Variants in RFC3 observed in about 807,000 individuals in gnomAD.
RFC3 encodes the protein A1 38 kDa subunit.
A neutral mutation model predicts 45.1 loss-of-function variants in RFC3; 41 were observed. That is an observed-to-expected ratio of 0.91 (90% CI 0.71 to 1.18). RFC3 has a LOEUF of 1.18. Among genes scored for constraint, RFC3 ranks in the 50% most tolerant of loss-of-function variants. The pLI, the probability that RFC3 is intolerant of heterozygous loss-of-function variation, is 0.00. For missense variants in RFC3, 423 were observed against 428.1 expected (o/e 0.99, Z 0.10); for synonymous variants, 149 against 144.0 (o/e 1.03, Z -0.25).
intron 8 of RFC3, among the ~76,000 whole-genome samples, chr13:33,857,379 C>T (rs1488790413): frequency 6.6e-6 from 1 of 152,132 alleles, no homozygotes; most frequent in Non-Finnish European, 1.5e-5. Flanking sequence ...TTCTGACTCA[C>T]TGCAGATTCT....
rs1466712742 is a variant in RFC3 at position 33,914,422 on chromosome 13, AAAAAGT to A, written c.880-51664_880-51659del. 3.2e-4 allele frequency among the ~76,000 whole-genome samples: 49 copies of A among 152,226 alleles called. 1 individual carries two copies. Among genetic ancestry groups the A allele is most frequent in the Admixed American group, 2.6e-4 (4 of 15,278 alleles). On this transcript the variant is annotated intron_variant, in intron 8 of 8. Coordinates refer to the RFC3 transcript ENST00000434425. ...TACCTTCTTCCTCCACTTTGCTCCT[AAAAAGT>A]CCAAACTACCAGAAAAATGTAGAAG... is the stretch of plus-strand genomic sequence containing the variant.
chr13:33,915,749 G>T (rs756436570), intron 8 of RFC3, among the ~76,000 whole-genome samples: 1 of 151,778 alleles, frequency 6.6e-6, no homozygotes, highest in East Asian at 1.9e-4. Flanking sequence ...AAAATTATTC[G>T]TAATGATTCA....
Position 33,937,000 on chromosome 13 carries a change from C to A in RFC3, c.880-29087C>A, listed in dbSNP as rs1004479685. Among the ~76,000 whole-genome samples, 106 of 152,248 alleles carry A rather than the reference C, an allele frequency of 7.0e-4. 1 individual carries two copies. Among genetic ancestry groups the A allele is most frequent in the African/African-American group, 2.4e-3 (100 of 41,554 alleles). On this transcript the variant is annotated intron_variant, in intron 8 of 8. Transcript: ENST00000434425. The stretch of plus-strand genomic sequence containing the variant: ...CAAAAAATCAAGAGCAGCAGCAAAA[C>A]TATGTGATGACTATGTTAATTATCT...
intron 8 of RFC3, 133 bp downstream of exon 8, chr13:33,835,350 A>G (rs952538146): frequency 1.6e-5 from 12 of 750,260 alleles, no homozygotes; most frequent in Admixed American, 3.6e-5. Context: ...TATTTACTGA[A>G]CCTCTATGGT....
intron 8 of RFC3, among the ~76,000 whole-genome samples, chr13:33,907,881 C>G (rs2082680606): frequency 6.6e-6 from 1 of 151,864 alleles, no homozygotes; most frequent in Non-Finnish European, 1.5e-5. Flanking sequence ...AAAGTCAAGG[C>G]CTTTTACAAA....
downstream of RFC3, among the ~76,000 whole-genome samples, chr13:33,970,983 T>G (rs981829562): frequency 2.6e-5 from 4 of 152,210 alleles, no homozygotes; most frequent in African/African-American, 7.2e-5. Context: ...GAGCCAAGCC[T>G]TGACATCTCT....
At chr13:33,857,382 C>T (rs1333567651) in intron 8 of RFC3, among the ~76,000 whole-genome samples, 9 of 152,104 alleles carry the variant, frequency 5.9e-5, no homozygotes, top group Admixed American at 1.3e-4. Context: ...TGACTCACTG[C>T]AGATTCTTCT....
intron 8 of RFC3, among the ~76,000 whole-genome samples, chr13:33,960,378 AAG>A (rs1439642665): frequency 6.6e-6 from 1 of 152,188 alleles, no homozygotes; most frequent in Non-Finnish European, 1.5e-5. Flanking sequence ...AGGATAAACG[AAG>A]AGTCTTGCCC....
chr13:33,972,206 C>T, the RFC3 span, among the ~76,000 whole-genome samples: 1 of 152,010 alleles, frequency 6.6e-6, no homozygotes, highest in African/African-American at 2.4e-5. Context: ...TGTTTTTGAA[C>T]TTTTTTTTCA....
At chr13:33,922,268 T>G (rs2082774308) in intron 8 of RFC3, among the ~76,000 whole-genome samples, 1 of 152,070 alleles carries the variant, frequency 6.6e-6, no homozygotes, top group Middle Eastern at 3.2e-3. Context: ...TCAATGAATT[T>G]TAGTATATTT....
chr13:33,924,168 A>T (rs1270933703), intron 8 of RFC3, among the ~76,000 whole-genome samples: 1 of 152,130 alleles, frequency 6.6e-6, no homozygotes, highest in Non-Finnish European at 1.5e-5. Flanking sequence ...TGAAAACCAG[A>T]TAATTGACTT....
chr13:33,908,159 A>G (rs909439696), intron 8 of RFC3, among the ~76,000 whole-genome samples: 3 of 151,902 alleles, frequency 2.0e-5, no homozygotes, highest in African/African-American at 4.8e-5. Flanking sequence ...TTTGCACTGC[A>G]TTTATCTGAA....
chr13:33,832,717 A>C (rs2082115936), intron 7 of RFC3, among the ~76,000 whole-genome samples: 2 of 152,184 alleles, frequency 1.3e-5, no homozygotes, highest in South Asian at 4.1e-4. Context: ...CTCACCCTTT[A>C]AAGAGATAAA....
intron 8 of RFC3, among the ~76,000 whole-genome samples, chr13:33,941,906 A>G (rs1247839291): frequency 6.6e-6 from 1 of 152,180 alleles, no homozygotes; most frequent in Non-Finnish European, 1.5e-5. Context: ...TCTCCCATAC[A>G]TAACTTATGT....
intron 8 of RFC3, among the ~76,000 whole-genome samples, chr13:33,909,419 G>T (rs2082691044): frequency 1.3e-5 from 2 of 151,968 alleles, no homozygotes; most frequent in African/African-American, 4.8e-5. Context: ...GGGGAGGCTT[G>T]TTTTCTCCTT....
intron 8 of RFC3, among the ~76,000 whole-genome samples, chr13:33,939,170 G>A (rs74046990): frequency 1.3e-5 from 2 of 152,030 alleles, no homozygotes; most frequent in South Asian, 4.1e-4. Context: ...TTTGTGGCTT[G>A]TTTTTTCACT....
intron 8 of RFC3, among the ~76,000 whole-genome samples, chr13:33,904,929 G>C (rs1414948585): frequency 1.3e-5 from 2 of 151,930 alleles, no homozygotes; most frequent in East Asian, 3.9e-4. Flanking sequence ...ATGTTGTTTG[G>C]GATACGCATT....
chr13:33,825,807 C>T lies in RFC3; in HGVS notation c.312C>T (p.Asp104=), dbSNP rs1346498089. ...EVNPSDAGNS[D]RVVIQEMLKT... is the part of the protein sequence containing the mutation. ...TGTGTAGTGATGCTGGAAATAGTGA[C>T]CGAGTAGTCATTCAGGAGATGTTGA... Residue 104 remains aspartate (D), a synonymous_variant, in exon 4 of 9, where the codon GAC becomes GAT. Transcript: ENST00000380071. 4 of 1,598,796 alleles carry T rather than the reference C, an allele frequency of 2.5e-6. No individual in the cohort carries two copies. The highest frequency in any genetic ancestry group is 2.7e-5 in the African/African-American group (2 of 74,138).
At chr13:33,879,886 T>C (rs1389196471) in intron 8 of RFC3, among the ~76,000 whole-genome samples, 1 of 152,226 alleles carries the variant, frequency 6.6e-6, no homozygotes, top group Non-Finnish European at 1.5e-5. Context: ...CTTCCAGAGA[T>C]GGCCTGCATT....
Sources: gnomAD v4.1 joint callset for allele counts (sites outside exome capture counted in the v4.1 genomes callset) on GRCh38, gnomAD v4.1.1 for gene constraint, MANE v1.5 for transcripts, NCBI Gene and HGNC (gene_info 2026-07-23, HGNC 2026-07-21) for gene names.